The following DPYD variants were observed in gnomAD, a reference collection of about 807,000 sequenced individuals.
The protein encoded by DPYD is dihydropyrimidine dehydrogenase [NADP(+)].
A neutral mutation model predicts 116.2 loss-of-function variants in DPYD; 109 were observed. The observed-to-expected ratio is 0.94, with a 90% CI of 0.80 to 1.10. The LOEUF is 1.10. Among genes scored for constraint, DPYD ranks in the 50% least tolerant of loss-of-function variants. The pLI, the probability that DPYD is intolerant of heterozygous loss-of-function variation, is 0.00. For missense variants in DPYD, 1,302 were observed against 1,254.5 expected, an observed-to-expected ratio of 1.04 and a Z score of -0.57; for synonymous variants, 440 against 432.0, an observed-to-expected ratio of 1.02 and a Z score of -0.23.
At chr1:97,087,822 A>T (rs911595481) in intron 21 of DPYD, among the ~76,000 whole-genome samples, 1 of 152,186 alleles carries the variant, frequency 6.6e-6, no homozygotes, top group Non-Finnish European at 1.5e-5. Flanking sequence ...AAAATTCTTT[A>T]TGGGATTCTA....
At chr1:97,644,892 A>C (rs1436146233) in intron 8 of DPYD, among the ~76,000 whole-genome samples, 2 of 152,102 alleles carry the variant, frequency 1.3e-5, no homozygotes, top group Admixed American at 6.6e-5. Flanking sequence ...CTCTATCTTA[A>C]GTTTTCTTGG....
At chr1:97,577,565 C>T (rs1417637056) in intron 10 of DPYD, among the ~76,000 whole-genome samples, 1 of 152,126 alleles carries the variant, frequency 6.6e-6, no homozygotes, top group Non-Finnish European at 1.5e-5. Context: ...GCACTCCTAA[C>T]CTCCGTGTGT....
chr1:97,473,329 AATATTCCATGTGTAGGC>A (rs1357521985), intron 13 of DPYD, among the ~76,000 whole-genome samples: 1 of 152,220 alleles, frequency 6.6e-6, no homozygotes, highest in East Asian at 1.9e-4. Context: ...ATGGCAGAAT[AATATTCCATGTGTAGGC>A]ATACATACCA....
At position 97,479,179 on chromosome 1, in the gene DPYD, A is replaced by G. The variant is rs370367250; in HGVS notation, c.1741-28956T>C. On this transcript the variant is annotated intron_variant, in intron 13 of 22. Transcript: ENST00000370192. ...CAAGAACATTTCCTTTGTATTAACA[A>G]CTTGGCTAACTGTTTGGTGCAAGAG... is the stretch of plus-strand genomic sequence containing the variant. Among the ~76,000 whole-genome samples, 42 of 152,306 alleles carry G rather than the reference A, an allele frequency of 2.8e-4. 1 individual carries two copies. In the East Asian group the frequency reaches 5.8e-3, roughly 21 times the overall value.
At position 97,650,866 on chromosome 1, in the gene DPYD, ACAG is replaced by A. The variant is rs563946011; in HGVS notation, c.850+28226_850+28228del. 2.0e-5 allele frequency among the ~76,000 whole-genome samples: 3 copies of A among 152,270 alleles called. No individual in the cohort carries two copies. The South Asian group carries it at 6.2e-4, about 32-fold the overall frequency. The stretch of plus-strand genomic sequence containing the variant: ...TGTGTATACACACACACACACACAC[ACAG>A]GAGAGCTTAAATATTAGTACTTAAG... On this transcript the variant is annotated intron_variant, in intron 8 of 22. Coordinates refer to ENST00000370192, the MANE Select transcript of DPYD (RefSeq NM_000110.4).
chr1:97,537,964 G>A (rs1198165974), intron 12 of DPYD, among the ~76,000 whole-genome samples: 3 of 152,116 alleles, frequency 2.0e-5, no homozygotes, highest in Admixed American at 6.5e-5. Context: ...CTACTTGGGA[G>A]GCTGAGGCCA....
intron 11 of DPYD, among the ~76,000 whole-genome samples, chr1:97,564,116 A>G (rs1274310595): frequency 5.3e-5 from 8 of 152,186 alleles, no homozygotes; most frequent in Non-Finnish European, 1.5e-5. Flanking sequence ...GTTCATTTTC[A>G]TCATTTCGCA....
At position 97,759,538 on chromosome 1, in the gene DPYD, T is replaced by C. The variant is rs538566909; in HGVS notation, c.234-19059A>G. 6.6e-5 allele frequency among the ~76,000 whole-genome samples: 10 copies of C among 152,272 alleles called. No individual in the cohort carries two copies. The South Asian group carries it at 1.0e-3, about 16-fold the overall frequency. ...AAAACAGCACTTATCCAAAGTAACA[T>C]TGAAATATTTCTCTTAGAAGACAAG... On this transcript the variant is annotated intron_variant, in intron 3 of 22. Transcript: ENST00000370192.
intron 7 of DPYD, among the ~76,000 whole-genome samples, chr1:97,683,537 G>T (rs1660545357): frequency 6.6e-6 from 1 of 151,738 alleles, no homozygotes; most frequent in Non-Finnish European, 1.5e-5. Context: ...ATGCAAAAAT[G>T]CAATATCTTC....
chr1:97,167,230 C>A (rs1445614780), intron 20 of DPYD, among the ~76,000 whole-genome samples: 1 of 152,032 alleles, frequency 6.6e-6, no homozygotes, highest in Non-Finnish European at 1.5e-5. Flanking sequence ...AGGAAGAGCA[C>A]AATATATACT....
intron 18 of DPYD, among the ~76,000 whole-genome samples, chr1:97,254,796 A>G (rs1185187280): frequency 6.6e-6 from 1 of 152,216 alleles, no homozygotes; most frequent in Non-Finnish European, 1.5e-5. Context: ...TAAGCCATTT[A>G]TTTCAACACT....
intron 2 of DPYD, among the ~76,000 whole-genome samples, chr1:97,875,747 A>C (rs1432381466): frequency 6.6e-6 from 1 of 151,956 alleles, no homozygotes; most frequent in Non-Finnish European, 1.5e-5. Context: ...AATTTTCCTA[A>C]GACACACACG....
intron 16 of DPYD, among the ~76,000 whole-genome samples, chr1:97,328,008 C>T (rs886131955): frequency 2.0e-5 from 3 of 152,098 alleles, no homozygotes; most frequent in African/African-American, 7.2e-5. Context: ...AACTTTGATG[C>T]TGTATGTTAA....
At chr1:97,919,024 G>C (rs1392657409) in intron 1 of DPYD, among the ~76,000 whole-genome samples, 1 of 152,090 alleles carries the variant, frequency 6.6e-6, no homozygotes, top group Non-Finnish European at 1.5e-5. Context: ...AAATCAATAG[G>C]ATCAACTGAG....
At chr1:97,721,710 A>T in intron 4 of DPYD, 39 bp from the exon 5 acceptor site, 1 of 1,585,776 alleles carries the variant, frequency 6.3e-7, no homozygotes. Context: ...ACTACTTAAA[A>T]ATATACTTTA....
chr1:97,460,993 C>T (rs1054243277), intron 13 of DPYD, among the ~76,000 whole-genome samples: 6 of 150,218 alleles, frequency 4.0e-5, no homozygotes, highest in South Asian at 4.2e-4. Flanking sequence ...GCTAAGATCG[C>T]GCCATTGCAC....
At chr1:97,729,595 G>A (rs1265275493) in intron 4 of DPYD, among the ~76,000 whole-genome samples, 3 of 151,956 alleles carry the variant, frequency 2.0e-5, no homozygotes, top group Non-Finnish European at 4.4e-5. Flanking sequence ...CAGAAAGAAA[G>A]AAGCAAAATG....
chr1:97,825,706 G>A (rs1166328167), intron 3 of DPYD, among the ~76,000 whole-genome samples: 1 of 151,694 alleles, frequency 6.6e-6, no homozygotes, highest in Non-Finnish European at 1.5e-5. Context: ...CACCAACATG[G>A]CGCATGTATA....
At chr1:97,738,960 A>T (rs1664109429) in intron 4 of DPYD, among the ~76,000 whole-genome samples, 2 of 152,082 alleles carry the variant, frequency 1.3e-5, no homozygotes, top group South Asian at 4.1e-4. Flanking sequence ...GTGTGTACTC[A>T]TAAAATAACT....
Sources: allele counts gnomAD v4.1 joint callset (sites outside exome capture counted in the v4.1 genomes callset), GRCh38; gene constraint gnomAD v4.1.1; transcripts MANE v1.5; gene names NCBI Gene and HGNC (gene_info 2026-07-23, HGNC 2026-07-21).